The following CTNNA1 variants were observed in gnomAD, a reference collection of about 807,000 sequenced individuals.
CTNNA1 encodes the protein catenin alpha 1, also known as catenin alpha-1.
CTNNA1 carries 37 observed loss-of-function variants against 98.4 expected under a neutral mutation model. That is an observed-to-expected ratio of 0.38 (90% confidence interval 0.29 to 0.49). CTNNA1 has a LOEUF of 0.49. Ranked by LOEUF, CTNNA1 falls within the 20% of genes least tolerant of loss-of-function variation. The pLI is 0.95. For synonymous variants in CTNNA1, 404 were observed against 413.2 expected, an observed-to-expected ratio of 0.98 and a Z score of 0.27; for missense variants, 761 against 1,147.2, an observed-to-expected ratio of 0.66 and a Z score of 4.86.
At chr5:138,776,397 A>G (rs1484587955) in intron 1 of CTNNA1, among the ~76,000 whole-genome samples, 1 of 152,028 alleles carries the variant, frequency 6.6e-6, no homozygotes, top group African/African-American at 2.4e-5. Context: ...AGGCAGAATA[A>G]TTTTTCTTAG....
Position 138,869,948 on chromosome 5 carries a change from C to T in CTNNA1, c.1063-16264C>T, listed in dbSNP as rs189471253. ...TCTTTTCAGAAAGGTGATTGAAATC[C>T]CTGTCATGCTACAGAAATGAATATA... is the stretch of plus-strand genomic sequence containing the variant. On this transcript the variant is annotated intron_variant, in intron 7 of 17. Transcript: ENST00000302763. The T allele has an allele frequency of 3.5e-4, 53 of 152,626 alleles. No homozygotes were observed. In the East Asian group the frequency reaches 8.7e-3, roughly 25 times the overall value. The allele number at this position is 152,626 out of a possible 1,614,324, so 9.5% of individuals were successfully genotyped here. A position where few individuals can be genotyped will look rare whatever the true frequency, so the allele number is the denominator to read the frequency against.
intron 2 of CTNNA1, 197 bp downstream of exon 2, chr5:138,782,226 G>T (rs1755191434): frequency 1.6e-6 from 1 of 643,210 alleles, no homozygotes; most frequent in Non-Finnish European, 2.8e-6. Context: ...GTTTTCTTCA[G>T]TCTTATTGCT....
chr5:138,859,469 C>A (rs150316583), intron 7 of CTNNA1, among the ~76,000 whole-genome samples: 1 of 152,294 alleles, frequency 6.6e-6, no homozygotes, highest in Non-Finnish European at 1.5e-5. Context: ...CTGGACCATT[C>A]CCCTGGACTT....
chr5:138,770,319 T>C (rs1213111326), intron 1 of CTNNA1, among the ~76,000 whole-genome samples: 1 of 152,182 alleles, frequency 6.6e-6, no homozygotes, highest in African/African-American at 2.4e-5. Context: ...TTCCTCTGTA[T>C]CCATTATCAG....
Position 138,823,724 on chromosome 5 carries a change from G to A in CTNNA1, c.589-806G>A, listed in dbSNP as rs1174563369. 7.9e-5 allele frequency among the ~76,000 whole-genome samples: 12 copies of A among 152,078 alleles called. No homozygotes were observed. The East Asian group carries it at 9.7e-4, about 12-fold the overall frequency. ...TGTAATCCCAGCACTTTGGGAGGCC[G>A]AGGCGGGCGGATCACGAGGTCAGGA... On this transcript the variant is annotated intron_variant, in intron 5 of 17. Transcript: ENST00000302763.
chr5:138,849,508 TTCTC>T (rs1279292448), intron 7 of CTNNA1, among the ~76,000 whole-genome samples: 1 of 152,224 alleles, frequency 6.6e-6, no homozygotes, highest in African/African-American at 2.4e-5. Context: ...TGTTATAACA[TTCTC>T]TGTCTTTAGA....
chr5:138,923,207 G>A (rs1763284439), intron 11 of CTNNA1, among the ~76,000 whole-genome samples: 3 of 152,108 alleles, frequency 2.0e-5, no homozygotes, highest in Admixed American at 6.5e-5. Flanking sequence ...CCAAGACCTC[G>A]TATGGTAGTC....
chr5:138,901,119 T>C (rs1008953270), intron 9 of CTNNA1, among the ~76,000 whole-genome samples: 1 of 152,130 alleles, frequency 6.6e-6, no homozygotes, highest in Non-Finnish European at 1.5e-5. Context: ...GTGTTTTTCT[T>C]TTCTCTTCTC....
chr5:138,893,121 G>A (rs1433356364), intron 9 of CTNNA1, among the ~76,000 whole-genome samples: 1 of 152,086 alleles, frequency 6.6e-6, no homozygotes, highest in Non-Finnish European at 1.5e-5. Flanking sequence ...GGTCATTTTT[G>A]TCCCAGCTCT....
At chr5:138,890,003 T>C (rs976844502) in intron 9 of CTNNA1, among the ~76,000 whole-genome samples, 1 of 152,222 alleles carries the variant, frequency 6.6e-6, no homozygotes, top group Middle Eastern at 3.2e-3. Context: ...CAGTGACTTG[T>C]TTTAAGCAAA....
At chr5:138,832,662 C>T (rs1561573855) in intron 7 of CTNNA1, among the ~76,000 whole-genome samples, 1 of 152,062 alleles carries the variant, frequency 6.6e-6, no homozygotes, top group Non-Finnish European at 1.5e-5. Context: ...TATATATTTT[C>T]AGGTTTTTTT....
chr5:138,877,215 T>G (rs1414932103), intron 7 of CTNNA1, among the ~76,000 whole-genome samples: 4 of 152,214 alleles, frequency 2.6e-5, no homozygotes, highest in Admixed American at 1.3e-4. Context: ...CTACTCCCCC[T>G]CTGACCTTAA....
At chr5:138,860,947 C>T (rs1367909942) in intron 7 of CTNNA1, among the ~76,000 whole-genome samples, 1 of 152,112 alleles carries the variant, frequency 6.6e-6, no homozygotes, top group Non-Finnish European at 1.5e-5. Context: ...TCTTCTCTTT[C>T]CCACTGCCAT....
intron 10 of CTNNA1, among the ~76,000 whole-genome samples, chr5:138,905,950 GA>G (rs1181272793): frequency 6.6e-6 from 1 of 152,360 alleles, no homozygotes; most frequent in East Asian, 1.9e-4. Context: ...AAATGAAATA[GA>G]GGTCATAGGA....
At chr5:138,852,867 G>GCACA (rs1554089802) in intron 7 of CTNNA1, among the ~76,000 whole-genome samples, 3 of 28,904 alleles carry the variant, frequency 1.0e-4, no homozygotes, top group East Asian at 8.5e-3. Flanking sequence ...TTTCGCGCGC[G>GCACA]CGCGCACACA....
chr5:138,915,182 C>T (rs538384762), intron 10 of CTNNA1, among the ~76,000 whole-genome samples: 1 of 152,040 alleles, frequency 6.6e-6, no homozygotes, highest in Non-Finnish European at 1.5e-5. Context: ...ACATTTACTT[C>T]TAATAACCCA....
At position 138,850,416 on chromosome 5, in the gene CTNNA1, C is replaced by T. The variant is rs1049139888; in HGVS notation, c.1062+22698C>T. Reference sequence around the variant, plus strand: ...GAATTGTTTTTCAACCAAGTCAGATCGAGTGGCCTTAGTCTAGGTGCTCTG... The same window carrying T: ...GAATTGTTTTTCAACCAAGTCAGATTGAGTGGCCTTAGTCTAGGTGCTCTG... On this transcript the variant is annotated intron_variant, in intron 7 of 17. Transcript: ENST00000302763. Among the ~76,000 whole-genome samples the T allele has an allele frequency of 5.3e-5, 8 of 152,136 alleles. No individual in the cohort carries two copies. The South Asian group carries it at 1.2e-3, about 24-fold the overall frequency.
At position 138,873,561 on chromosome 5, in the gene CTNNA1, C is replaced by G; in HGVS notation, c.1063-12651C>G. The G allele has an allele frequency of 6.2e-7, 1 of 1,613,930 alleles. No homozygotes were observed. The highest frequency in any genetic ancestry group is 8.5e-7 in the Non-Finnish European group (1 of 1,179,896). On this transcript the variant is annotated intron_variant, in intron 7 of 17. Transcript: ENST00000302763. This position sits in a 1 kb window ranked among gnomAD's most constrained non-coding sequence, Gnocchi z 6.1. Reference sequence around the variant, plus strand: ...GGACTGTGGCATAGGATGGAGTGTTCCCACCGACCTTGGAAACTGCCCAGC... The same window carrying G: ...GGACTGTGGCATAGGATGGAGTGTTGCCACCGACCTTGGAAACTGCCCAGC...
chr5:138,860,465 A>G (rs1764156929), intron 7 of CTNNA1, among the ~76,000 whole-genome samples: 1 of 151,344 alleles, frequency 6.6e-6, no homozygotes, highest in Non-Finnish European at 1.5e-5. Flanking sequence ...ATAATAGACA[A>G]ATCTTAGACT....
Sources: allele counts gnomAD v4.1 joint callset (sites outside exome capture counted in the v4.1 genomes callset), GRCh38; gene constraint gnomAD v4.1.1; non-coding constraint Gnocchi (gnomAD v3.1); transcripts MANE v1.5; gene names NCBI Gene and HGNC (gene_info 2026-07-23, HGNC 2026-07-21).